DNAJC2: variants seen among roughly 807,000 people sequenced by gnomAD.
DNAJC2 encodes DnaJ heat shock protein family (Hsp40) member C2, also known as dnaJ homolog subfamily C member 2.
In DNAJC2, 32 loss-of-function variants were observed where a neutral mutation model predicts 94.0. The observed-to-expected ratio is 0.34, with a 90% CI of 0.26 to 0.46. DNAJC2 has a LOEUF of 0.46. Among genes scored for constraint, DNAJC2 ranks in the 20% least tolerant of loss-of-function variants. The pLI is 1.00. For missense variants in DNAJC2, 550 were observed against 719.5 expected (o/e 0.76, Z 2.69); for synonymous variants, 210 against 229.7 (o/e 0.91, Z 0.77).
chr7:103,315,953 T>G (rs1818029372), intron 14 of DNAJC2, 35 bp downstream of exon 14: 13 of 1,547,100 alleles, frequency 8.4e-6, no homozygotes, highest in Non-Finnish European at 1.1e-5. Context: ...TAAAAATAGG[T>G]GTTTAAAGTA....
At chr7:103,316,169 T>C (rs1342326133) in intron 13 of DNAJC2, 81 bp from the exon 14 acceptor site, 8 of 840,256 alleles carry the variant, frequency 9.5e-6, no homozygotes, top group Admixed American at 2.9e-5. Flanking sequence ...AGATTTTTAC[T>C]GCAGAAAGGT....
chr7:103,344,749 G>A lies in DNAJC2; in HGVS notation c.-127C>T. 1 of 950,574 alleles carries A rather than the reference G, an allele frequency of 1.1e-6. No homozygotes were observed. The highest frequency in any genetic ancestry group is 2.5e-5 in the East Asian group (1 of 39,330). 58.9% of individuals were successfully genotyped at this position (950,574 alleles called of 1,614,324 possible). Reference sequence around the variant, plus strand: ...TTGGCTCTAAGACGCCCAGGAACCGGCGCATGGAGACGACCAGTAAGCACT... The same window carrying A: ...TTGGCTCTAAGACGCCCAGGAACCGACGCATGGAGACGACCAGTAAGCACT... On this transcript the variant is annotated 5_prime_UTR_variant, in exon 1 of 17. Transcript: ENST00000379263.
At chr7:103,329,432 A>C (rs1022374466) in intron 3 of DNAJC2, 1 of 152,260 alleles carries the variant, frequency 6.6e-6, no homozygotes, top group African/African-American at 2.4e-5. Context: ...TATGTTTATT[A>C]ATAATTTTTC....
At chr7:103,320,378 GC>G (rs1308054680) in intron 10 of DNAJC2, among the ~76,000 whole-genome samples, 17 of 151,940 alleles carry the variant, frequency 1.1e-4, no homozygotes, top group Admixed American at 2.6e-4. Context: ...GAGCCACCGC[GC>G]CCGGCTGTTT....
chr7:103,334,052 G>A (rs1213994330), intron 3 of DNAJC2, among the ~76,000 whole-genome samples: 4 of 151,336 alleles, frequency 2.6e-5, no homozygotes, highest in Non-Finnish European at 4.4e-5. Flanking sequence ...CCGGGTTCAC[G>A]CCATTCTGCT....
Position 103,312,570 on chromosome 7 carries a change from C to T in DNAJC2, c.1865G>A (p.Ter622=). ...AAAATGCACACACAACAAAGATTGT[C>T]ATTTCTTGGCTCTACTTGCATTCAG... ...QVLNASRAKK[*] is the part of the protein sequence containing the mutation. The change falls in exon 17 of 17, where the codon TGA becomes TAA. Residue 622 remains the stop codon, a stop_retained_variant. Coordinates refer to ENST00000379263, the MANE Select transcript of DNAJC2 (RefSeq NM_014377.3). 1 of 1,610,998 alleles carries T rather than the reference C, an allele frequency of 6.2e-7. No individual in the cohort carries two copies. Among genetic ancestry groups the T allele is most frequent in the Non-Finnish European group, 8.5e-7 (1 of 1,179,214 alleles).
Position 103,340,987 on chromosome 7 carries a change from T to C in DNAJC2, c.255+777A>G, listed in dbSNP as rs79675701. Among the ~76,000 whole-genome samples, 1,266 of 152,302 alleles carry C rather than the reference T, an allele frequency of 8.3e-3. 12 individuals carry two copies. Among genetic ancestry groups the C allele is most frequent in the African/African-American group, 0.029 (1,185 of 41,550 alleles). On this transcript the variant is annotated intron_variant, in intron 2 of 16. Coordinates refer to ENST00000379263, the MANE Select transcript of DNAJC2 (RefSeq NM_014377.3). ...CTGACCACACACTCTAGCAGGTCAC[T>C]CAAGCGCTAATGCTGGGAAGGACCT...
chr7:103,314,660 A>G, intron 15 of DNAJC2: 1 of 985,306 alleles, frequency 1.0e-6, no homozygotes, highest in Non-Finnish European at 1.2e-6. Context: ...TACCTTTATT[A>G]AAAGAACCGA....
chr7:103,339,767 C>T (rs1395080972), intron 2 of DNAJC2, among the ~76,000 whole-genome samples: 4 of 151,548 alleles, frequency 2.6e-5, no homozygotes, highest in Admixed American at 6.6e-5. Context: ...ATGCCCGGTC[C>T]AGTGTTTTTT....
rs533656383 is a variant in DNAJC2, at chr7:103,344,696, C to T, written c.-74G>A. 1 of 1,492,022 alleles carries T rather than the reference C, an allele frequency of 6.7e-7. No homozygotes were observed. The highest frequency in any genetic ancestry group is 9.2e-7 in the Non-Finnish European group (1 of 1,084,884). 92.4% of individuals were successfully genotyped at this position (1,492,022 alleles called of 1,614,324 possible). ...GGAGGGCGCTTAGGGTCCCCTCCAGCTCTACCTCTCACTCCGAGCCTCGCG... is the reference window on the plus strand; with the variant it reads ...GGAGGGCGCTTAGGGTCCCCTCCAGTTCTACCTCTCACTCCGAGCCTCGCG... On this transcript the variant is annotated 5_prime_UTR_variant, in exon 1 of 17. Transcript: ENST00000379263.
At chr7:103,332,698 C>T (rs1052355715) in intron 3 of DNAJC2, among the ~76,000 whole-genome samples, 9 of 151,774 alleles carry the variant, frequency 5.9e-5, no homozygotes, top group African/African-American at 1.5e-4. Context: ...GGTGTGATCA[C>T]GGCTCACTGC....
intron 5 of DNAJC2, chr7:103,324,854 T>C (rs1228310072): frequency 1.1e-5 from 2 of 179,602 alleles, no homozygotes; most frequent in Non-Finnish European, 2.3e-5. Flanking sequence ...TAGCAGCTGC[T>C]AGGCAGGCTA....
At chr7:103,322,679 G>T in intron 8 of DNAJC2, 24 bp downstream of exon 8, 1 of 1,612,476 alleles carries the variant, frequency 6.2e-7, no homozygotes, top group Non-Finnish European at 8.5e-7. Context: ...TAACATTTAG[G>T]GGACTTAAAT....
intron 4 of DNAJC2, 128 bp downstream of exon 4, chr7:103,327,528 A>G: frequency 1.4e-6 from 1 of 730,064 alleles, no homozygotes; most frequent in South Asian, 1.9e-5. Flanking sequence ...AGAACTTGAT[A>G]TAACTAAAAT....
At chr7:103,338,612 T>TA (rs1053071321) in intron 2 of DNAJC2, among the ~76,000 whole-genome samples, 9 of 151,320 alleles carry the variant, frequency 5.9e-5, no homozygotes, top group African/African-American at 1.9e-4. Context: ...ACCCTGTCTT[T>TA]AAAAAAAAGA....
At chr7:103,333,951 ATT>A (rs1213072243) in intron 3 of DNAJC2, among the ~76,000 whole-genome samples, 14 of 139,468 alleles carry the variant, frequency 1.0e-4, no homozygotes, top group Admixed American at 2.1e-4. Context: ...TGTTGTGAAC[ATT>A]TTTTTTTTTT....
Position 103,320,237 on chromosome 7 carries a change from T to C in DNAJC2, c.1084-393A>G, listed in dbSNP as rs183635394. On this transcript the variant is annotated intron_variant, in intron 10 of 16. Transcript: ENST00000379263. ...CTGAGTAGCTGGAATTACAGGCGCC[T>C]GCCACCACACCTGGCTAATTTTTTC... Among the ~76,000 whole-genome samples, 571 of 152,010 alleles carry C rather than the reference T, an allele frequency of 3.8e-3. 4 individuals are homozygous for C. Among genetic ancestry groups the C allele is most frequent in the African/African-American group, 0.014 (562 of 41,508 alleles).
At chr7:103,329,096 T>C (rs1456679870) in intron 3 of DNAJC2, 1 of 753,384 alleles carries the variant, frequency 1.3e-6, no homozygotes, top group South Asian at 1.7e-5. Context: ...ACAATTTTTT[T>C]GTTTTTCATC....
intron 2 of DNAJC2, 55 bp from the exon 3 acceptor site, chr7:103,337,866 T>A (rs745848885): frequency 2.5e-5 from 32 of 1,272,470 alleles, no homozygotes; most frequent in Admixed American, 3.6e-5. Flanking sequence ...ATATATTCCA[T>A]CCCTTGTGTT....
Sources: gnomAD v4.1 joint callset for allele counts (sites outside exome capture counted in the v4.1 genomes callset) on GRCh38, gnomAD v4.1.1 for gene constraint, MANE v1.5 for transcripts, NCBI Gene and HGNC (gene_info 2026-07-23, HGNC 2026-07-21) for gene names.